Variants in ANKHD1 observed in about 807,000 individuals in gnomAD.
ANKHD1 encodes ankyrin repeat and KH domain-containing protein 1.
A neutral mutation model predicts 230.5 loss-of-function variants in ANKHD1; 31 were observed. The ratio of observed to expected loss-of-function variants is 0.13; its 90% confidence interval spans 0.10 to 0.18. The LOEUF is 0.18. ANKHD1 is among the 10% of genes least tolerant of loss of function. The pLI is 1.00. For synonymous variants in ANKHD1, 1,074 were observed against 1,117.6 expected, an observed-to-expected ratio of 0.96 and a Z score of 0.78; for missense variants, 2,256 against 3,071.3, an observed-to-expected ratio of 0.73 and a Z score of 6.27.
intron 10 of ANKHD1, among the ~76,000 whole-genome samples, chr5:140,479,779 T>C (rs1751180464): frequency 6.7e-6 from 1 of 149,890 alleles, no homozygotes; most frequent in Non-Finnish European, 1.5e-5. Context: ...TATGCGTATA[T>C]ATGTGTGTGT....
At position 140,458,711 on chromosome 5, in the gene ANKHD1, G is replaced by C; in HGVS notation, c.1329G>C (p.Thr443=). The change falls in exon 8 of 34, where the codon ACG becomes ACC. Residue 443 remains threonine (T), a synonymous_variant. Transcript: ENST00000360839. ...MPADSFESPL[T]LAACGGHVEL... ...CAGATTCATTTGAATCTCCATTGAC[G>C]CTAGCTGCCTGTGGAGGACATGTTG... is the stretch of plus-strand genomic sequence containing the variant. The C allele has an allele frequency of 6.2e-7, 1 of 1,613,130 alleles. No individual in the cohort carries two copies. Among genetic ancestry groups the C allele is most frequent in the Non-Finnish European group, 8.5e-7 (1 of 1,179,718 alleles).
intron 1 of ANKHD1, among the ~76,000 whole-genome samples, chr5:140,408,690 A>T (rs1770676576): frequency 1.3e-5 from 2 of 152,216 alleles, no homozygotes; most frequent in South Asian, 2.1e-4. Context: ...ATTTTTAATT[A>T]AATTTTTTTT....
rs1398922711 is a variant in ANKHD1, at chr5:140,523,959, T to G, written c.4318-107T>G. The stretch of plus-strand genomic sequence containing the variant: ...CTTGTTGGCATTTATAAATGTGTTT[T>G]GAGAGTAACATCCATGGAAATCCCT... On this transcript the variant is annotated intron_variant, in intron 24 of 33. Transcript: ENST00000360839. 2.2e-6 allele frequency: 3 copies of G among 1,368,338 alleles called. No individual in the cohort carries two copies. The African/African-American group carries it at 4.6e-5, about 21-fold the overall frequency. 84.8% of individuals were successfully genotyped at this position (1,368,338 alleles called of 1,614,324 possible).
chr5:140,419,454 CTTTT>C (rs144115557), intron 1 of ANKHD1, among the ~76,000 whole-genome samples: 1 of 131,606 alleles, frequency 7.6e-6, no homozygotes, highest in Non-Finnish European at 1.6e-5. Flanking sequence ...TTCTTTCTTT[CTTTT>C]TTTTTTTTTT....
At chr5:140,488,298 T>A (rs1171496767) in intron 14 of ANKHD1, among the ~76,000 whole-genome samples, 6 of 152,078 alleles carry the variant, frequency 3.9e-5, no homozygotes. Context: ...TAAATAAGAA[T>A]CATTGGCCGG....
intron 1 of ANKHD1, among the ~76,000 whole-genome samples, chr5:140,422,694 C>G (rs1772087253): frequency 6.6e-6 from 1 of 150,860 alleles, no homozygotes. Context: ...CCTGTAATCC[C>G]AGATACTCAG....
chr5:140,430,063 C>G (rs936820951), intron 1 of ANKHD1, among the ~76,000 whole-genome samples: 8 of 152,166 alleles, frequency 5.3e-5, no homozygotes, highest in African/African-American at 1.9e-4. Context: ...CCCTTCTCCT[C>G]CCTTTTGTTT....
At chr5:140,439,595 G>A (rs1462236560) in intron 3 of ANKHD1, among the ~76,000 whole-genome samples, 1 of 152,082 alleles carries the variant, frequency 6.6e-6, no homozygotes, top group Non-Finnish European at 1.5e-5. Flanking sequence ...ACTTGAACCT[G>A]GGAGGTGGAG....
At chr5:140,475,581 G>A (rs1051156429) in intron 10 of ANKHD1, among the ~76,000 whole-genome samples, 3 of 149,586 alleles carry the variant, frequency 2.0e-5, no homozygotes, top group Non-Finnish European at 3.0e-5. Flanking sequence ...CTAAAAAAAA[G>A]GGGGGAAAAA....
In ANKHD1 at chr5:140,485,615, T is replaced by A; in HGVS notation, c.2025T>A (p.Ala675=). The change falls in exon 13 of 34, where the codon GCT becomes GCA. Residue 675 remains alanine, a synonymous_variant. Transcript: ENST00000360839. This position sits in a 1 kb window ranked among gnomAD's most constrained non-coding sequence, Gnocchi z 4.8. ...ATGGTTCAACAATGCTCATTGAAGC[T>A]GCAAAGGGTGGCCATACTAATGTAG... ...LKDGSTMLIE[A]AKGGHTNVVS... The A allele has an allele frequency of 6.2e-7, 1 of 1,614,086 alleles. No individual in the cohort carries two copies. Among genetic ancestry groups the A allele is most frequent in the Non-Finnish European group, 8.5e-7 (1 of 1,179,988 alleles).
At chr5:140,500,164 T>C (rs886440930) in intron 15 of ANKHD1, among the ~76,000 whole-genome samples, 2 of 152,130 alleles carry the variant, frequency 1.3e-5, no homozygotes, top group Non-Finnish European at 2.9e-5. Context: ...CCACCGCGCC[T>C]GGCCAAAATT....
intron 10 of ANKHD1, 152 bp from the exon 11 acceptor site, chr5:140,482,428 G>A: frequency 1.3e-6 from 1 of 775,392 alleles, no homozygotes; most frequent in Non-Finnish European, 1.9e-6. Context: ...TGAAAATCCT[G>A]TATAATGGGG....
At chr5:140,505,950 G>C (rs560213187) in intron 18 of ANKHD1, 81 bp downstream of exon 18, 1 of 1,503,586 alleles carries the variant, frequency 6.7e-7, no homozygotes, top group Admixed American at 2.4e-5. Flanking sequence ...TTAGCTACAT[G>C]AATAAAATTT....
chr5:140,528,341 A>G lies in ANKHD1; in HGVS notation c.5395A>G (p.Thr1799Ala), dbSNP rs757268960. The change falls in exon 29 of 34, where the codon ACA becomes GCA. Residue 1799 changes from threonine (T) to alanine (A), a missense_variant. By Grantham distance (58) the Thr-to-Ala change is moderately conservative. Transcript: ENST00000360839. ...TAACTTCTCATCTGGAGTAGGTACC[A>G]CAGCAGCTTCCAGTAAAAATGCATT... ...HANFSSGVGT[T>A]AASSKNAFPL... 2.0e-5 allele frequency: 32 copies of G among 1,614,042 alleles called. No homozygotes were observed. Among genetic ancestry groups the G allele is most frequent in the Non-Finnish European group, 2.6e-5 (31 of 1,180,042 alleles).
intron 15 of ANKHD1, among the ~76,000 whole-genome samples, chr5:140,503,107 A>G (rs866087977): frequency 2.3e-4 from 35 of 152,328 alleles, no homozygotes; most frequent in Middle Eastern, 3.4e-3. Context: ...AGTCATATCA[A>G]AAATTCTAGA....
chr5:140,441,510 C>G (rs1442584055), intron 5 of ANKHD1, among the ~76,000 whole-genome samples: 1 of 151,646 alleles, frequency 6.6e-6, no homozygotes, highest in Non-Finnish European at 1.5e-5. Context: ...TTTTTTTCCC[C>G]CACAGTCTTA....
intron 1 of ANKHD1, among the ~76,000 whole-genome samples, chr5:140,419,774 T>TTTTCTTTCTTTCTTTC (rs199550424): frequency 2.3e-5 from 2 of 86,938 alleles, no homozygotes; most frequent in South Asian, 5.1e-4. Context: ...TTTCCTTTCT[T>TTTTCTTTCTTTCTTTC]TTTCTTTCTT....
At chr5:140,459,746 A>C (rs1419567823) in intron 9 of ANKHD1, among the ~76,000 whole-genome samples, 1 of 152,172 alleles carries the variant, frequency 6.6e-6, no homozygotes, top group African/African-American at 2.4e-5. Flanking sequence ...ATAAATATAT[A>C]CAATTATTAT....
chr5:140,415,983 T>G (rs1417503372), intron 1 of ANKHD1, among the ~76,000 whole-genome samples: 1 of 152,054 alleles, frequency 6.6e-6, no homozygotes, highest in East Asian at 1.9e-4. Context: ...TTCCCCACCC[T>G]GTGTCCAAGT....
Sources: allele counts gnomAD v4.1 joint callset (sites outside exome capture counted in the v4.1 genomes callset), GRCh38; gene constraint gnomAD v4.1.1; non-coding constraint Gnocchi (gnomAD v3.1); transcripts MANE v1.5; gene names NCBI Gene and HGNC (gene_info 2026-07-23, HGNC 2026-07-21).